ODAPH: variants seen among roughly 807,000 people sequenced by gnomAD.
ODAPH encodes amelogenesis imperfecta type IIA4.
In ODAPH, 2 loss-of-function variants were observed where a neutral mutation model predicts 2.8. That is an observed-to-expected ratio of 0.72 (90% confidence interval 0.30 to 2.28). The LOEUF is 2.28. Ranked by LOEUF, ODAPH falls within the 30% of genes most tolerant of loss-of-function variation. ODAPH has a pLI of 0.13. For missense variants in ODAPH, 159 were observed against 163.3 expected (o/e 0.97, Z 0.14); for synonymous variants, 75 against 60.3 (o/e 1.24, Z -1.13).
chr4:75,557,759 A>C (rs1727395736), intron 1 of ODAPH, among the ~76,000 whole-genome samples: 1 of 152,174 alleles, frequency 6.6e-6, no homozygotes. Context: ...CCCTGCTTCC[A>C]GTTCATCGCT....
Position 75,564,556 on chromosome 4 carries a change from G to C in ODAPH, c.*117G>C. On this transcript the variant is annotated 3_prime_UTR_variant, in exon 2 of 2. Coordinates refer to ENST00000311623, the MANE Select transcript of ODAPH (RefSeq NM_178497.5). Reference sequence around the variant, plus strand: ...TAAAACTATTGGATTTGAAGATTAAGTATCCTAAACATCACTGACTAGAAA... The same window carrying C: ...TAAAACTATTGGATTTGAAGATTAACTATCCTAAACATCACTGACTAGAAA... 1 of 1,582,068 alleles carries C rather than the reference G, an allele frequency of 6.3e-7. No individual in the cohort carries two copies. The highest frequency in any genetic ancestry group is 8.6e-7 in the Non-Finnish European group (1 of 1,167,042).
At chr4:75,558,998 T>C (rs1322291426) in intron 1 of ODAPH, among the ~76,000 whole-genome samples, 1 of 152,174 alleles carries the variant, frequency 6.6e-6, no homozygotes, top group African/African-American at 2.4e-5. Context: ...GCCCAGCCAA[T>C]TTTTAATATA....
chr4:75,556,164 T>C lies in ODAPH; in HGVS notation c.67+15T>C. The C allele has an allele frequency of 6.2e-7, 1 of 1,612,926 alleles. No individual in the cohort carries two copies. Among genetic ancestry groups the C allele is most frequent in the Non-Finnish European group, 8.5e-7 (1 of 1,178,866 alleles). On this transcript the variant is annotated intron_variant, in intron 1 of 1. Coordinates refer to ENST00000311623, the MANE Select transcript of ODAPH (RefSeq NM_178497.5). Reference sequence around the variant, plus strand: ...TGTGGCAGAAGGTAAGGGTTTTGCTTTTATTCTACTGTGGGTCCACTAATT... The same window carrying C: ...TGTGGCAGAAGGTAAGGGTTTTGCTCTTATTCTACTGTGGGTCCACTAATT...
At chr4:75,556,434 C>A in intron 1 of ODAPH, 1 of 926,306 alleles carries the variant, frequency 1.1e-6, no homozygotes, top group Non-Finnish European at 1.7e-6. Flanking sequence ...ATGGGGTTTG[C>A]AAGGACCAAA....
chr4:75,564,208 G>T lies in ODAPH; in HGVS notation c.162G>T (p.Pro54=), dbSNP rs755045480. 6.2e-7 allele frequency: 1 copy of T among 1,614,004 alleles called. No individual in the cohort carries two copies. The highest frequency in any genetic ancestry group is 2.2e-5 in the East Asian group (1 of 44,898). Residue 54 remains proline (P), a synonymous_variant, in exon 2 of 2, where the codon CCG becomes CCT. Coordinates refer to ENST00000311623, the MANE Select transcript of ODAPH (RefSeq NM_178497.5). ...QIFTLTPPPA[P]RSPVTRAQPI... is the part of the protein sequence containing the mutation. ...TTACACTCACCCCTCCACCTGCCCC[G>T]AGGAGTCCGGTCACAAGGGCCCAGC... is the stretch of plus-strand genomic sequence containing the variant.
intron 1 of ODAPH, among the ~76,000 whole-genome samples, chr4:75,560,786 G>A (rs551240165): frequency 6.6e-6 from 1 of 152,300 alleles, no homozygotes; most frequent in Non-Finnish European, 1.5e-5. Context: ...AGTAGCTTCA[G>A]GTTTCTAGAA....
chr4:75,559,702 T>C (rs749749842), intron 1 of ODAPH, among the ~76,000 whole-genome samples: 6 of 152,212 alleles, frequency 3.9e-5, no homozygotes, highest in Non-Finnish European at 7.3e-5. Flanking sequence ...CGGGGAAATA[T>C]TTGCTTATTA....
intron 1 of ODAPH, among the ~76,000 whole-genome samples, chr4:75,562,063 C>T (rs1388335581): frequency 1.3e-5 from 2 of 152,178 alleles, no homozygotes; most frequent in Admixed American, 6.5e-5. Flanking sequence ...TGGCTCAATT[C>T]TTAAGTGAGA....
At position 75,556,585 on chromosome 4, in the gene ODAPH, G is replaced by T. The variant is rs148624220; in HGVS notation, c.67+436G>T. The T allele has an allele frequency of 2.5e-4, 384 of 1,534,166 alleles. No individual in the cohort carries two copies. The African/African-American group carries it at 4.7e-3, about 19-fold the overall frequency. On this transcript the variant is annotated intron_variant, in intron 1 of 1. Coordinates refer to ENST00000311623, the MANE Select transcript of ODAPH (RefSeq NM_178497.5). Reference sequence around the variant, plus strand: ...CCAGCAGCATATTAATTTGCACATGGTGGGTATTTAGTCTTTGTTCATTGC... The same window carrying T: ...CCAGCAGCATATTAATTTGCACATGTTGGGTATTTAGTCTTTGTTCATTGC...
At chr4:75,561,608 G>T (rs1174000333) in intron 1 of ODAPH, among the ~76,000 whole-genome samples, 1 of 152,144 alleles carries the variant, frequency 6.6e-6, no homozygotes, top group Non-Finnish European at 1.5e-5. Context: ...CACTTTGAGA[G>T]GCCCAAGGCA....
intron 1 of ODAPH, among the ~76,000 whole-genome samples, chr4:75,557,857 C>T (rs1451266732): frequency 1.3e-5 from 2 of 152,236 alleles, no homozygotes; most frequent in Non-Finnish European, 2.9e-5. Context: ...GCAGCAACCA[C>T]AGCTGCTCCC....
At chr4:75,563,062 T>C (rs1727654501) in intron 1 of ODAPH, 1 of 129,238 alleles carries the variant, frequency 7.7e-6, no homozygotes, top group East Asian at 2.6e-4. Flanking sequence ...TCTCGCTCTG[T>C]CAGCCAGGCT....
Position 75,556,094 on chromosome 4 carries a change from A to G in ODAPH, c.12A>G (p.Arg4=), listed in dbSNP as rs761359815. 5 of 1,614,138 alleles carry G rather than the reference A, an allele frequency of 3.1e-6. No homozygotes were observed. The highest frequency in any genetic ancestry group is 8.5e-7 in the Non-Finnish European group (1 of 1,180,002). ...GCTCAGTAGAAGCCATGGCTCGCAG[A>G]CACTGCTTCTCCTACTGGTTACTGG... MAR[R]HCFSYWLLVC... is the part of the protein sequence containing the mutation. Residue 4 remains arginine, a synonymous_variant, in exon 1 of 2, where the codon AGA becomes AGG. Transcript: ENST00000311623.
chr4:75,560,576 T>A (rs993061708), intron 1 of ODAPH, among the ~76,000 whole-genome samples: 1 of 152,108 alleles, frequency 6.6e-6, no homozygotes, highest in African/African-American at 2.4e-5. Flanking sequence ...TCACCATAGG[T>A]CTAGTTTGTT....
At chr4:75,556,256 C>T (rs1259230318) in intron 1 of ODAPH, 107 bp downstream of exon 1, 2 of 1,130,790 alleles carry the variant, frequency 1.8e-6, no homozygotes, top group East Asian at 2.4e-5. Context: ...GAAATATTTA[C>T]CTCAGCTTCC....
At chr4:75,556,627 T>C (rs772809504) in intron 1 of ODAPH, 1 of 1,455,040 alleles carries the variant, frequency 6.9e-7, no homozygotes, top group South Asian at 1.2e-5. Flanking sequence ...TAATCACATC[T>C]ATTGAGCTGC....
At position 75,563,005 on chromosome 4, in the gene ODAPH, C is replaced by CTTTTTTTTTTT. The variant is rs542417085; in HGVS notation, c.68-1082_68-1072dup. Among the ~76,000 whole-genome samples, 4 of 59,536 alleles carry CTTTTTTTTTTT rather than the reference C, an allele frequency of 6.7e-5. 1 individual carries two copies. Among genetic ancestry groups the CTTTTTTTTTTT allele is most frequent in the African/African-American group, 1.3e-4 (2 of 15,822 alleles). 39.1% of individuals were successfully genotyped at this position (59,536 alleles called of 152,430 possible). A position where few individuals can be genotyped will look rare whatever the true frequency, so the allele number is the denominator to read the frequency against. The stretch of plus-strand genomic sequence containing the variant: ...TTTACATGCAATAAAATCCACACAT[C>CTTTTTTTTTTT]TTTTTTTTTTTTTTTTTTTTTTTTT... On this transcript the variant is annotated intron_variant, in intron 1 of 1. Transcript: ENST00000311623.
At chr4:75,559,497 C>G (rs930100061) in intron 1 of ODAPH, among the ~76,000 whole-genome samples, 10 of 152,182 alleles carry the variant, frequency 6.6e-5, no homozygotes, top group Non-Finnish European at 1.3e-4. Flanking sequence ...TATCTGTGTT[C>G]ACCCAGTTAT....
chr4:75,559,914 A>G (rs1375954013), intron 1 of ODAPH, among the ~76,000 whole-genome samples: 1 of 152,194 alleles, frequency 6.6e-6, no homozygotes, highest in Non-Finnish European at 1.5e-5. Context: ...GAGTATGATG[A>G]AAGTGGACTC....
Sources: gnomAD v4.1 joint callset for allele counts (sites outside exome capture counted in the v4.1 genomes callset) on GRCh38, gnomAD v4.1.1 for gene constraint, MANE v1.5 for transcripts, NCBI Gene and HGNC (gene_info 2026-07-23, HGNC 2026-07-21) for gene names.